RABGAP1L: variants seen among roughly 807,000 people sequenced by gnomAD.
RABGAP1L encodes RAB GTPase activating protein 1 like.
A neutral mutation model predicts 137.7 loss-of-function variants in RABGAP1L; 63 were observed. The observed-to-expected ratio is 0.46, with a 90% CI of 0.37 to 0.56. The LOEUF (loss-of-function observed/expected upper bound fraction) is 0.56, where lower values mean the gene tolerates loss of function less well. RABGAP1L is among the 20% of genes least tolerant of loss of function. The pLI is 0.00. For synonymous variants in RABGAP1L, 431 were observed against 433.7 expected (o/e 0.99, Z 0.08); for missense variants, 1,095 against 1,244.0 (o/e 0.88, Z 1.80).
At chr1:174,664,730 CTTTCTT>C (rs1343803047) in intron 14 of RABGAP1L, among the ~76,000 whole-genome samples, 7 of 98,902 alleles carry the variant, frequency 7.1e-5, no homozygotes, top group African/African-American at 3.2e-4. Context: ...TTTCTTTCTG[CTTTCTT>C]TTTTTTTTTT....
intron 17 of RABGAP1L, among the ~76,000 whole-genome samples, chr1:174,732,510 G>A (rs916475612): frequency 2.0e-5 from 3 of 151,996 alleles, no homozygotes; most frequent in Non-Finnish European, 2.9e-5. Flanking sequence ...GTGAACAAAC[G>A]AATTTAAAAT....
intron 18 of RABGAP1L, among the ~76,000 whole-genome samples, chr1:174,795,642 T>G (rs745639111): frequency 1.3e-5 from 2 of 152,204 alleles, no homozygotes; most frequent in Non-Finnish European, 2.9e-5. Flanking sequence ...AGTGGCTCAT[T>G]GCAGCCTTGG....
chr1:174,278,524 C>A, intron 9 of RABGAP1L, 89 bp from the exon 10 acceptor site: 1 of 1,026,108 alleles, frequency 9.7e-7, no homozygotes, highest in Middle Eastern at 2.2e-4. Context: ...TTGTAAAGAA[C>A]TTTAATTCTT....
chr1:174,525,445 A>T (rs1351592785), intron 13 of RABGAP1L, among the ~76,000 whole-genome samples: 1 of 151,410 alleles, frequency 6.6e-6, no homozygotes, highest in African/African-American at 2.4e-5. Context: ...TGGCTATTTC[A>T]TTATTGGTGT....
chr1:174,542,426 G>A lies in RABGAP1L; in HGVS notation c.1711-94949G>A, dbSNP rs575378620. Among the ~76,000 whole-genome samples, 189 of 152,210 alleles carry A rather than the reference G, an allele frequency of 1.2e-3. 3 individuals carry two copies. The highest frequency in any genetic ancestry group is 4.4e-3 in the African/African-American group (182 of 41,542). On this transcript the variant is annotated intron_variant, in intron 13 of 25. Coordinates refer to ENST00000681986, the MANE Select transcript of RABGAP1L (RefSeq NM_001366446.1). ...CTGATGGTAGTTTGTATTTCTGTGG[G>A]ATCTGTGGTGATATCCCCTTTATCA...
At chr1:174,683,058 GTT>G (rs35576869) in intron 14 of RABGAP1L, among the ~76,000 whole-genome samples, 5,263 of 111,554 alleles carry the variant, frequency 0.047, 268 homozygotes, top group African/African-American at 0.17. Context: ...TTCTAAAGGG[GTT>G]TTTTTTTTTT....
chr1:174,863,501 G>T (rs1343997099), intron 19 of RABGAP1L, among the ~76,000 whole-genome samples: 1 of 150,824 alleles, frequency 6.6e-6, no homozygotes, highest in Non-Finnish European at 1.5e-5. Context: ...GTGAAACCCC[G>T]TCTCTACTAA....
chr1:174,161,737 T>C (rs549805186), intron 1 of RABGAP1L, among the ~76,000 whole-genome samples: 46 of 151,726 alleles, frequency 3.0e-4, no homozygotes, highest in African/African-American at 1.1e-3. Flanking sequence ...GTTTGTTTGT[T>C]TCTTTTAAAG....
At chr1:174,446,335 AAAG>A (rs1206587339) in intron 13 of RABGAP1L, among the ~76,000 whole-genome samples, 2 of 152,216 alleles carry the variant, frequency 1.3e-5, no homozygotes, top group African/African-American at 2.4e-5. Context: ...GGCTATTATA[AAAG>A]AAGAAGGACT....
intron 13 of RABGAP1L, chr1:174,548,273 A>C: frequency 7.4e-7 from 1 of 1,347,984 alleles, no homozygotes; most frequent in Non-Finnish European, 9.6e-7. Flanking sequence ...ACTCTTTGCT[A>C]TATAACATTA....
At position 174,393,988 on chromosome 1, in the gene RABGAP1L, T is replaced by G; in HGVS notation, c.1560-7T>G. On this transcript the variant is annotated splice_region_variant and splice_polypyrimidine_tract_variant and intron_variant, in intron 12 of 25. Coordinates refer to ENST00000681986, the MANE Select transcript of RABGAP1L (RefSeq NM_001366446.1). ...AGTGTGAATGGATTATTTTCTTGTC[T>G]TCTCAGGCACAGTAACCTTGGTGCA... 2 of 1,610,320 alleles carry G rather than the reference T, an allele frequency of 1.2e-6. No homozygotes were observed. Among genetic ancestry groups the G allele is most frequent in the Non-Finnish European group, 1.7e-6 (2 of 1,178,668 alleles).
At chr1:174,725,043 G>C (rs1180766134) in intron 17 of RABGAP1L, among the ~76,000 whole-genome samples, 2 of 152,190 alleles carry the variant, frequency 1.3e-5, no homozygotes, top group Non-Finnish European at 2.9e-5. Context: ...TGGCCATATT[G>C]AGGAGGACAT....
intron 21 of RABGAP1L, among the ~76,000 whole-genome samples, chr1:174,970,199 G>C (rs1472979506): frequency 1.3e-5 from 2 of 152,162 alleles, no homozygotes; most frequent in Non-Finnish European, 2.9e-5. Flanking sequence ...ATGTGACTAG[G>C]AGAGTCAGAA....
chr1:174,791,258 A>G (rs923918708), intron 18 of RABGAP1L, among the ~76,000 whole-genome samples: 4 of 152,176 alleles, frequency 2.6e-5, no homozygotes, highest in African/African-American at 9.6e-5. Context: ...AAATAAATTC[A>G]CTTGCTAATA....
chr1:174,415,762 G>T (rs1650477580), intron 13 of RABGAP1L, among the ~76,000 whole-genome samples: 1 of 151,896 alleles, frequency 6.6e-6, no homozygotes, highest in Admixed American at 6.6e-5. Flanking sequence ...TCTTCATAGA[G>T]ATTCTTTAAT....
intron 13 of RABGAP1L, among the ~76,000 whole-genome samples, chr1:174,502,729 CAT>C (rs576471588): frequency 1.1e-4 from 17 of 150,010 alleles, no homozygotes; most frequent in East Asian, 3.9e-4. Flanking sequence ...CACACACACA[CAT>C]ATATATATTT....
chr1:174,811,739 A>G, intron 18 of RABGAP1L, 93 bp from the exon 19 acceptor site: 1 of 1,250,820 alleles, frequency 8.0e-7, no homozygotes, highest in Non-Finnish European at 1.1e-6. Context: ...TAGCTATAAA[A>G]GTATATTCAA....
intron 13 of RABGAP1L, among the ~76,000 whole-genome samples, chr1:174,590,319 C>A (rs1008884725): frequency 6.3e-5 from 9 of 141,792 alleles, no homozygotes; most frequent in African/African-American, 2.3e-4. Flanking sequence ...GTTTTAGATG[C>A]TGTATTGTTT....
chr1:174,479,523 G>A (rs1342604798), intron 13 of RABGAP1L, among the ~76,000 whole-genome samples: 1 of 152,156 alleles, frequency 6.6e-6, no homozygotes, highest in East Asian at 1.9e-4. Flanking sequence ...GTTTGGAATT[G>A]CTATAGAAAT....
Sources: gnomAD v4.1 joint callset for allele counts (sites outside exome capture counted in the v4.1 genomes callset) on GRCh38, gnomAD v4.1.1 for gene constraint, MANE v1.5 for transcripts, NCBI Gene and HGNC (gene_info 2026-07-23, HGNC 2026-07-21) for gene names.